The following NSG1 variants were observed in gnomAD, a reference collection of about 807,000 sequenced individuals.
NSG1 encodes neuronal vesicle trafficking-associated protein 1.
In NSG1, 9 loss-of-function variants were observed where a neutral mutation model predicts 19.3. The observed-to-expected ratio is 0.47, with a 90% CI of 0.28 to 0.81. The LOEUF (loss-of-function observed/expected upper bound fraction) is 0.81. Ranked by LOEUF, NSG1 falls within the 40% of genes least tolerant of loss-of-function variation. NSG1 has a pLI of 0.11. For synonymous variants in NSG1, 104 were observed against 107.0 expected (o/e 0.97, Z 0.17); for missense variants, 236 against 242.4 (o/e 0.97, Z 0.18).
chr4:4,417,470 C>G lies in NSG1; in HGVS notation c.*35C>G. On this transcript the variant is annotated 3_prime_UTR_variant, in exon 5 of 5. Coordinates refer to ENST00000621129, the MANE Select transcript of NSG1 (RefSeq NM_014392.5). ...CAAGTTCCTTACAATGTGTCACTTG[C>G]AAATAACAAAGGGACTTTGAGGGAC... is the stretch of plus-strand genomic sequence containing the variant. 1 of 1,579,070 alleles carries G rather than the reference C, an allele frequency of 6.3e-7. No homozygotes were observed. Among genetic ancestry groups the G allele is most frequent in the Non-Finnish European group, 8.7e-7 (1 of 1,148,484 alleles).
At chr4:4,398,652 T>C (rs1723396185) in intron 3 of NSG1, among the ~76,000 whole-genome samples, 1 of 152,250 alleles carries the variant, frequency 6.6e-6, no homozygotes, top group Non-Finnish European at 1.5e-5. Context: ...TAATATTCCA[T>C]TGTACCGATA....
intron 4 of NSG1, among the ~76,000 whole-genome samples, chr4:4,412,337 C>T (rs1023915629): frequency 2.8e-4 from 42 of 151,508 alleles, no homozygotes; most frequent in Admixed American, 7.9e-4. Flanking sequence ...ATGAGACTGG[C>T]GGCCACAATG....
At chr4:4,404,014 C>T (rs1723714051) in intron 3 of NSG1, among the ~76,000 whole-genome samples, 1 of 152,202 alleles carries the variant, frequency 6.6e-6, no homozygotes, top group Non-Finnish European at 1.5e-5. Flanking sequence ...ATGCCGCTAT[C>T]GCTACTTGGA....
chr4:4,391,440 G>A, intron 2 of NSG1, 35 bp from the exon 3 acceptor site: 2 of 1,426,316 alleles, frequency 1.4e-6, no homozygotes, highest in Non-Finnish European at 2.0e-6. Flanking sequence ...ATGTCTGAAT[G>A]CATCTGACTT....
chr4:4,397,435 C>G (rs1723311681), intron 3 of NSG1, among the ~76,000 whole-genome samples: 1 of 152,162 alleles, frequency 6.6e-6, no homozygotes, highest in Non-Finnish European at 1.5e-5. Context: ...GGTGACACAC[C>G]AAATCCCACT....
At chr4:4,391,031 G>A (rs1340157319) in intron 2 of NSG1, among the ~76,000 whole-genome samples, 1 of 151,866 alleles carries the variant, frequency 6.6e-6, no homozygotes, top group East Asian at 1.9e-4. Flanking sequence ...CTGGAGGGCT[G>A]TGGACAGTAC....
At chr4:4,407,701 C>T (rs1455028622) in intron 3 of NSG1, among the ~76,000 whole-genome samples, 1 of 152,132 alleles carries the variant, frequency 6.6e-6, no homozygotes, top group Non-Finnish European at 1.5e-5. Flanking sequence ...GGATGAGCTG[C>T]AGTGACTAGT....
At chr4:4,387,561 C>CGGGGGTGGGGGGGG in intron 1 of NSG1, 43 bp from the exon 2 acceptor site, 14 of 1,141,954 alleles carry the variant, frequency 1.2e-5, no homozygotes, top group Non-Finnish European at 1.6e-5. Context: ...CGCCCCGCCC[C>CGGGGGTGGGGGGGG]GGGTCTTGCT....
At chr4:4,400,815 A>G (rs961970474) in intron 3 of NSG1, among the ~76,000 whole-genome samples, 9 of 152,262 alleles carry the variant, frequency 5.9e-5, no homozygotes, top group African/African-American at 2.2e-4. Flanking sequence ...TTGAAGCCAC[A>G]GTATCAGATC....
rs561821369 is a variant in NSG1, at chr4:4,406,368, T to A, written c.247-3205T>A. Among the ~76,000 whole-genome samples the A allele has an allele frequency of 2.6e-5, 4 of 152,344 alleles. No individual in the cohort carries two copies. In the East Asian group the frequency reaches 7.7e-4, roughly 29 times the overall value. ...ACAGGACATCTGCACCTGTGGTGGC[T>A]TGGCTCTCTTCTCAGAATAGTGTTT... is the stretch of plus-strand genomic sequence containing the variant. On this transcript the variant is annotated intron_variant, in intron 3 of 4. Coordinates refer to ENST00000621129, the MANE Select transcript of NSG1 (RefSeq NM_014392.5).
At chr4:4,406,724 G>A (rs147017219) in intron 3 of NSG1, among the ~76,000 whole-genome samples, 5 of 152,312 alleles carry the variant, frequency 3.3e-5, no homozygotes, top group East Asian at 1.9e-4. Flanking sequence ...CCTGGAAGGC[G>A]TTCCTTTCAC....
chr4:4,400,577 G>A (rs4411925), intron 3 of NSG1, among the ~76,000 whole-genome samples: 139,994 of 152,320 alleles, frequency 0.92, 64,554 homozygotes, highest in East Asian at 1. Context: ...TTTTCAATCT[G>A]TGAACACAGG....
intron 3 of NSG1, among the ~76,000 whole-genome samples, chr4:4,402,815 G>T (rs76725009): frequency 6.6e-6 from 1 of 152,194 alleles, no homozygotes; most frequent in Admixed American, 6.5e-5. Flanking sequence ...AAGGAAATGC[G>T]CTTCTCCCAA....
At chr4:4,414,548 T>C (rs182606001) in intron 4 of NSG1, among the ~76,000 whole-genome samples, 39 of 152,228 alleles carry the variant, frequency 2.6e-4, no homozygotes, top group Admixed American at 5.9e-4. Flanking sequence ...CCTTGACCTC[T>C]TCCCTCCATA....
Position 4,411,605 on chromosome 4 carries a change from A to G in NSG1, c.357+1922A>G, listed in dbSNP as rs528077183. ...CTAAAAATACAAAAATTAGCCAGGC[A>G]TGGTGGCGGGTGCCTGTAATCCCAG... On this transcript the variant is annotated intron_variant, in intron 4 of 4. Transcript: ENST00000621129. Among the ~76,000 whole-genome samples the G allele has an allele frequency of 9.9e-5, 15 of 152,218 alleles. No homozygotes were observed. The East Asian group carries it at 2.5e-3, about 26-fold the overall frequency.
intron 4 of NSG1, among the ~76,000 whole-genome samples, chr4:4,412,089 C>T (rs530236188): frequency 1.2e-4 from 18 of 152,276 alleles, no homozygotes; most frequent in African/African-American, 4.3e-4. Flanking sequence ...GGTCACCAGG[C>T]GACAGGAGGT....
At position 4,397,437 on chromosome 4, in the gene NSG1, A is replaced by T. The variant is rs549328921; in HGVS notation, c.246+5846A>T. On this transcript the variant is annotated intron_variant, in intron 3 of 4. Transcript: ENST00000621129. Reference sequence around the variant, plus strand: ...CCCAGCTAATGAGGGTGACACACCAAATCCCACTGTGCTCCGTCCTCCATG... The same window carrying T: ...CCCAGCTAATGAGGGTGACACACCATATCCCACTGTGCTCCGTCCTCCATG... Among the ~76,000 whole-genome samples the T allele has an allele frequency of 8.5e-5, 13 of 152,230 alleles. No individual in the cohort carries two copies. The East Asian group carries it at 2.5e-3, about 29-fold the overall frequency.
chr4:4,416,432 T>A (rs1050262468), intron 4 of NSG1, among the ~76,000 whole-genome samples: 20 of 152,304 alleles, frequency 1.3e-4, no homozygotes, highest in African/African-American at 4.3e-4. Context: ...GGATTCCCCA[T>A]GGGGGCTGGG....
intron 4 of NSG1, chr4:4,415,919 C>T: frequency 1.7e-6 from 1 of 589,742 alleles, no homozygotes; most frequent in East Asian, 2.9e-5. Context: ...GATGCACGCG[C>T]TGCTGGTCTG....
Sources: gnomAD v4.1 joint callset for allele counts (sites outside exome capture counted in the v4.1 genomes callset) on GRCh38, gnomAD v4.1.1 for gene constraint, MANE v1.5 for transcripts, NCBI Gene and HGNC (gene_info 2026-07-23, HGNC 2026-07-21) for gene names.